The following OR9Q1 variants were observed in gnomAD, a reference collection of about 807,000 sequenced individuals.
OR9Q1 encodes the protein olfactory receptor family 9 subfamily Q member 1, also known as olfactory receptor 9Q1.
For missense variants in OR9Q1, 374 were observed against 378.8 expected, an observed-to-expected ratio of 0.99 and a Z score of 0.11; for synonymous variants, 153 against 148.6, an observed-to-expected ratio of 1.03 and a Z score of -0.22.
chr11:58,144,426 T>C (rs2119878052), intron 2 of OR9Q1: 2 of 147,420 alleles, frequency 1.4e-5, no homozygotes, highest in South Asian at 4.3e-4. Flanking sequence ...AAATTTATCT[T>C]TAATGAGACT....
chr11:58,174,820 T>A (rs1040726827), intron 2 of OR9Q1, among the ~76,000 whole-genome samples: 1 of 151,418 alleles, frequency 6.6e-6, no homozygotes, highest in Non-Finnish European at 1.5e-5. Context: ...GCTTAAAGAT[T>A]TAAGGCCAGG....
chr11:58,060,697 G>T (rs1191265039), intron 2 of OR9Q1, among the ~76,000 whole-genome samples: 1 of 152,226 alleles, frequency 6.6e-6, no homozygotes. Flanking sequence ...AAGTAGGGGG[G>T]TGTGGTGGCT....
At chr11:58,127,277 TG>T (rs1354087944) in intron 2 of OR9Q1, among the ~76,000 whole-genome samples, 2 of 152,092 alleles carry the variant, frequency 1.3e-5, no homozygotes, top group African/African-American at 4.8e-5. Flanking sequence ...TTTGGACTTT[TG>T]GGAAGAGATG....
chr11:58,107,231 T>A (rs747985326), intron 2 of OR9Q1, among the ~76,000 whole-genome samples: 5 of 152,166 alleles, frequency 3.3e-5, no homozygotes, highest in Non-Finnish European at 2.9e-5. Flanking sequence ...TCATTTACAT[T>A]AGGTATTTCT....
chr11:58,103,370 A>G (rs1255930876), intron 2 of OR9Q1, among the ~76,000 whole-genome samples: 1 of 152,150 alleles, frequency 6.6e-6, no homozygotes, highest in African/African-American at 2.4e-5. Flanking sequence ...TATGGGAATT[A>G]CAAGTTCAAG....
At chr11:58,101,853 TC>T (rs1853786389) in intron 2 of OR9Q1, among the ~76,000 whole-genome samples, 1 of 152,196 alleles carries the variant, frequency 6.6e-6, no homozygotes, top group South Asian at 2.1e-4. Context: ...TTCAAGAGAT[TC>T]TCCTGCCTCA....
At chr11:58,136,782 T>A (rs993662260) in intron 2 of OR9Q1, among the ~76,000 whole-genome samples, 12 of 152,192 alleles carry the variant, frequency 7.9e-5, no homozygotes, top group African/African-American at 2.7e-4. Context: ...TAATGTGTAC[T>A]GTGAGTTAGG....
chr11:58,153,746 A>G (rs1854376959), intron 2 of OR9Q1, among the ~76,000 whole-genome samples: 2 of 152,170 alleles, frequency 1.3e-5, no homozygotes, highest in Admixed American at 1.3e-4. Context: ...GGACTATATG[A>G]CCTTTCAAAC....
chr11:58,110,503 A>G (rs1853888866), intron 2 of OR9Q1, among the ~76,000 whole-genome samples: 1 of 152,172 alleles, frequency 6.6e-6, no homozygotes, highest in South Asian at 2.1e-4. Context: ...TTCCACATTA[A>G]TTTAGTGATT....
Position 58,031,645 on chromosome 11 carries a change from C to T in OR9Q1, c.-93+7541C>T, listed in dbSNP as rs752616159. ...GCAACATCGTCTGGACACTGCTGCA[C>T]ATCCGCTCAGCTGCTGAGCGCTGGA... On this transcript the variant is annotated intron_variant, in intron 1 of 2. Coordinates refer to ENST00000335397, the MANE Select transcript of OR9Q1 (RefSeq NM_001005212.4). 2.5e-6 allele frequency: 4 copies of T among 1,613,906 alleles called. No individual in the cohort carries two copies. In the South Asian group the frequency reaches 3.3e-5, roughly 13 times the overall value.
intron 2 of OR9Q1, among the ~76,000 whole-genome samples, chr11:58,103,566 G>GT (rs201363301): frequency 4.9e-4 from 74 of 149,894 alleles, no homozygotes; most frequent in South Asian, 8.5e-4. Flanking sequence ...TTAATATTTT[G>GT]TTTTTTTTTA....
At chr11:58,109,821 C>T (rs933241264) in intron 2 of OR9Q1, among the ~76,000 whole-genome samples, 1 of 152,184 alleles carries the variant, frequency 6.6e-6, no homozygotes, top group Admixed American at 6.5e-5. Context: ...CTGGCAGTTA[C>T]TATGGAGAGC....
intron 2 of OR9Q1, among the ~76,000 whole-genome samples, chr11:58,065,645 T>C (rs965476521): frequency 6.6e-6 from 1 of 152,166 alleles, no homozygotes; most frequent in Non-Finnish European, 1.5e-5. Context: ...CCCATGAAGA[T>C]ACATCTTGCC....
intron 1 of OR9Q1, among the ~76,000 whole-genome samples, chr11:58,040,089 C>T (rs1853146094): frequency 6.6e-6 from 1 of 152,172 alleles, no homozygotes; most frequent in Non-Finnish European, 1.5e-5. Flanking sequence ...TCCAAAGTCA[C>T]CCAGCAAAGT....
chr11:58,089,652 T>C (rs1404670046), intron 2 of OR9Q1, among the ~76,000 whole-genome samples: 1 of 151,938 alleles, frequency 6.6e-6, no homozygotes, highest in East Asian at 1.9e-4. Context: ...TTTGGTTCCA[T>C]ATGAAATTTA....
rs58928895 is a variant in OR9Q1 at position 58,029,843 on chromosome 11, C to CT, written c.-93+5755dup. ...CCTAACCCAGCCTTCCTGCCTCCTCCTTTTTTTTTTTTTTTTGACATTAAG... is the reference window on the plus strand; with the variant it reads ...CCTAACCCAGCCTTCCTGCCTCCTCCTTTTTTTTTTTTTTTTTGACATTAAG... On this transcript the variant is annotated intron_variant, in intron 1 of 2. Coordinates refer to ENST00000335397, the MANE Select transcript of OR9Q1 (RefSeq NM_001005212.4). 1.4e-3 allele frequency among the ~76,000 whole-genome samples: 201 copies of CT among 139,134 alleles called. 3 individuals carry two copies. Among genetic ancestry groups the CT allele is most frequent in the South Asian group, 0.01 (44 of 4,340 alleles). The allele number at this position is 139,134 out of a possible 152,430, so 91.3% of individuals were successfully genotyped here.
At chr11:58,102,740 G>A (rs867953824) in intron 2 of OR9Q1, among the ~76,000 whole-genome samples, 2 of 152,102 alleles carry the variant, frequency 1.3e-5, no homozygotes, top group South Asian at 2.1e-4. Context: ...GTGCTCCAGA[G>A]AGGATCGGTT....
At chr11:58,151,147 C>G (rs2441986) in intron 2 of OR9Q1, among the ~76,000 whole-genome samples, 84 of 152,160 alleles carry the variant, frequency 5.5e-4, no homozygotes, top group Non-Finnish European at 5.9e-4. Context: ...TATCCAGTTT[C>G]CCTAGCATCG....
intron 2 of OR9Q1, chr11:58,108,921 A>C: frequency 2.7e-6 from 1 of 369,818 alleles, no homozygotes; most frequent in South Asian, 2.0e-5. Flanking sequence ...AGAGGACAAC[A>C]GTGGTGAGAT....
Sources: gnomAD v4.1 joint callset for allele counts (sites outside exome capture counted in the v4.1 genomes callset) on GRCh38, gnomAD v4.1.1 for gene constraint, MANE v1.5 for transcripts, NCBI Gene and HGNC (gene_info 2026-07-23, HGNC 2026-07-21) for gene names.